The following ATP6V1H variants were observed in gnomAD, a reference collection of about 807,000 sequenced individuals.
The protein encoded by ATP6V1H is ATPase H+ transporting V1 subunit H, also known as V-type proton ATPase subunit H.
A neutral mutation model predicts 71.7 loss-of-function variants in ATP6V1H; 39 were observed. That is an observed-to-expected ratio of 0.54 (90% CI 0.42 to 0.71). The LOEUF (loss-of-function observed/expected upper bound fraction) is 0.71, where lower values mean the gene tolerates loss of function less well. Among genes scored for constraint, ATP6V1H ranks in the 30% least tolerant of loss-of-function variants. The probability of loss-of-function intolerance (pLI) is 0.00; values close to 1 mark genes in which losing one functional copy is unlikely to be tolerated. For synonymous variants in ATP6V1H, 192 were observed against 199.3 expected, an observed-to-expected ratio of 0.96 and a Z score of 0.31; for missense variants, 509 against 594.9, an observed-to-expected ratio of 0.86 and a Z score of 1.50.
intron 13 of ATP6V1H, among the ~76,000 whole-genome samples, chr8:53,718,709 G>A (rs1585712147): frequency 6.6e-6 from 1 of 152,086 alleles, no homozygotes; most frequent in South Asian, 2.1e-4. Flanking sequence ...TCGTTTATTC[G>A]TACATACAAG....
intron 2 of ATP6V1H, chr8:53,839,693 T>C: frequency 1.0e-6 from 1 of 985,434 alleles, no homozygotes. Context: ...GGCTACAAGA[T>C]TCATTGGTTT....
intron 9 of ATP6V1H, among the ~76,000 whole-genome samples, chr8:53,794,375 A>AT (rs1394348386): frequency 1.3e-5 from 2 of 151,588 alleles, no homozygotes; most frequent in East Asian, 3.9e-4. Flanking sequence ...ATTTTACTTT[A>AT]TTTTTTTTGA....
chr8:53,765,426 G>A (rs1294219094), intron 11 of ATP6V1H, among the ~76,000 whole-genome samples: 4 of 105,468 alleles, frequency 3.8e-5, no homozygotes, highest in Admixed American at 1.1e-4. Context: ...AGGGCAGGGC[G>A]GGGAGGGTGG....
intron 13 of ATP6V1H, among the ~76,000 whole-genome samples, chr8:53,724,103 G>A (rs960835721): frequency 1.3e-5 from 2 of 151,974 alleles, no homozygotes; most frequent in Non-Finnish European, 2.9e-5. Flanking sequence ...AAAATCCTGG[G>A]CAATGCCTAT....
At chr8:53,752,741 G>C (rs1807844774) in intron 12 of ATP6V1H, among the ~76,000 whole-genome samples, 1 of 151,988 alleles carries the variant, frequency 6.6e-6, no homozygotes, top group Non-Finnish European at 1.5e-5. Context: ...AGTAGAGACG[G>C]GGTTTCACCA....
chr8:53,799,808 C>T (rs1017034745), intron 8 of ATP6V1H, among the ~76,000 whole-genome samples: 1 of 152,110 alleles, frequency 6.6e-6, no homozygotes, highest in African/African-American at 2.4e-5. Flanking sequence ...ACCCCTGTCC[C>T]CTCTGCCATC....
At chr8:53,765,910 A>C (rs542379885) in intron 11 of ATP6V1H, among the ~76,000 whole-genome samples, 72 of 152,362 alleles carry the variant, frequency 4.7e-4, no homozygotes, top group African/African-American at 1.5e-3. Flanking sequence ...CACAGTACTC[A>C]AAAGAATGTG....
At chr8:53,753,191 T>C (rs960694938) in intron 12 of ATP6V1H, among the ~76,000 whole-genome samples, 1 of 152,088 alleles carries the variant, frequency 6.6e-6, no homozygotes, top group African/African-American at 2.4e-5. Context: ...AGAAAGTAAG[T>C]TATGCTGGTG....
At chr8:53,776,585 C>T (rs938920529) in intron 9 of ATP6V1H, among the ~76,000 whole-genome samples, 10 of 152,228 alleles carry the variant, frequency 6.6e-5, no homozygotes, top group Non-Finnish European at 1.2e-4. Context: ...GCCTGCTAAA[C>T]AACCTCAATG....
rs1811346786 is a variant in ATP6V1H, at chr8:53,841,662, A to G, written c.29T>C (p.Val10Ala). The change falls in exon 2 of 14, where the codon GTG becomes GCG. Residue 10 changes from valine (V) to alanine (A), a missense_variant. By Grantham distance (64) the Val-to-Ala change is moderately conservative. Around this residue, in one of 2 missense-constraint regions of ATP6V1H, gnomAD observed 297 missense variants for 303.3 expected, o/e 0.98. Coordinates refer to ENST00000359530, the MANE Select transcript of ATP6V1H (RefSeq NM_015941.4). MTKMDIRGA[V>A]DAAVPTNIIA... is the part of the protein sequence containing the mutation. ...AATATTGGTGGGGACAGCAGCATCCACAGCACCTCGGATATCCATTTTGGT... is the reference window on the plus strand; with the variant it reads ...AATATTGGTGGGGACAGCAGCATCCGCAGCACCTCGGATATCCATTTTGGT... The G allele has an allele frequency of 6.2e-7, 1 of 1,614,064 alleles. No individual in the cohort carries two copies. Among genetic ancestry groups the G allele is most frequent in the East Asian group, 2.2e-5 (1 of 44,880 alleles).
At chr8:53,834,650 T>C (rs1017557503) in intron 2 of ATP6V1H, among the ~76,000 whole-genome samples, 1 of 152,008 alleles carries the variant, frequency 6.6e-6, no homozygotes, top group African/African-American at 2.4e-5. Flanking sequence ...GCTCTCGAAC[T>C]CCTGATCTCG....
chr8:53,751,955 A>G (rs1168925211), intron 12 of ATP6V1H, among the ~76,000 whole-genome samples: 3 of 152,210 alleles, frequency 2.0e-5, no homozygotes, highest in East Asian at 1.9e-4. Flanking sequence ...GGTGTGAGCC[A>G]CTGTGCCCGG....
intron 13 of ATP6V1H, among the ~76,000 whole-genome samples, chr8:53,738,173 T>G (rs957174067): frequency 6.6e-6 from 1 of 152,060 alleles, no homozygotes; most frequent in African/African-American, 2.4e-5. Flanking sequence ...GGCGGGCACT[T>G]GTAATCCCAG....
At chr8:53,731,968 C>A (rs892445951) in intron 13 of ATP6V1H, among the ~76,000 whole-genome samples, 7 of 152,206 alleles carry the variant, frequency 4.6e-5, no homozygotes, top group African/African-American at 1.7e-4. Flanking sequence ...CTGAACACTG[C>A]GAAGGAACTG....
chr8:53,811,033 C>T (rs1328816658), intron 7 of ATP6V1H, 131 bp downstream of exon 7: 2 of 617,472 alleles, frequency 3.2e-6, no homozygotes, highest in Non-Finnish European at 5.7e-6. Context: ...GTTTATAATA[C>T]AATTAACCTA....
At chr8:53,815,801 A>C (rs1353966316) in intron 5 of ATP6V1H, among the ~76,000 whole-genome samples, 1 of 152,256 alleles carries the variant, frequency 6.6e-6, no homozygotes, top group East Asian at 1.9e-4. Flanking sequence ...TGCATGCACA[A>C]GACAAAGGAA....
intron 13 of ATP6V1H, among the ~76,000 whole-genome samples, chr8:53,722,249 C>T (rs1034940951): frequency 1.3e-5 from 2 of 152,190 alleles, no homozygotes; most frequent in East Asian, 1.9e-4. Flanking sequence ...GCTTTTCCAA[C>T]GTGTGGTTAT....
chr8:53,775,536 T>C (rs1808845258), intron 9 of ATP6V1H, among the ~76,000 whole-genome samples: 2 of 152,098 alleles, frequency 1.3e-5, no homozygotes, highest in Admixed American at 1.3e-4. Flanking sequence ...ATTAGTTAGA[T>C]ACAGAGTTTG....
intron 12 of ATP6V1H, among the ~76,000 whole-genome samples, chr8:53,751,963 C>T (rs893917147): frequency 2.6e-5 from 4 of 152,068 alleles, no homozygotes; most frequent in Non-Finnish European, 5.9e-5. Context: ...CCACTGTGCC[C>T]GGCCAATAAA....
Sources: allele counts gnomAD v4.1 joint callset (sites outside exome capture counted in the v4.1 genomes callset), GRCh38; gene constraint gnomAD v4.1.1; regional missense constraint gnomAD v4.1.1; transcripts MANE v1.5; gene names NCBI Gene and HGNC (gene_info 2026-07-23, HGNC 2026-07-21).